SYT1: variants seen among roughly 807,000 people sequenced by gnomAD.
SYT1 encodes the protein synaptotagmin 1.
Under a neutral mutation model 44.8 loss-of-function variants are expected in SYT1, and 8 were observed. The observed-to-expected ratio is 0.18, with a 90% confidence interval of 0.10 to 0.32. The LOEUF (loss-of-function observed/expected upper bound fraction) is 0.32, where lower values mean the gene tolerates loss of function less well. Among genes scored for constraint, SYT1 ranks in the 10% least tolerant of loss-of-function variants. The pLI is 1.00. For synonymous variants in SYT1, 154 were observed against 188.8 expected, an observed-to-expected ratio of 0.82 and a Z score of 1.51; for missense variants, 286 against 509.3, an observed-to-expected ratio of 0.56 and a Z score of 4.22.
intron 1 of SYT1, among the ~76,000 whole-genome samples, chr12:78,867,877 TATTA>T (rs1339658402): frequency 1.3e-5 from 2 of 151,962 alleles, no homozygotes; most frequent in African/African-American, 4.8e-5. Context: ...TATATGCTTG[TATTA>T]ATTATATGCA....
chr12:79,359,241 T>G (rs1883228822), intron 9 of SYT1, among the ~76,000 whole-genome samples: 1 of 152,018 alleles, frequency 6.6e-6, no homozygotes, highest in Non-Finnish European at 1.5e-5. Flanking sequence ...ACCCATATGG[T>G]AAAGGGCTGA....
chr12:79,199,950 T>C (rs988729669), intron 3 of SYT1, among the ~76,000 whole-genome samples: 7 of 152,130 alleles, frequency 4.6e-5, no homozygotes, highest in African/African-American at 1.7e-4. Context: ...AATATAATGG[T>C]GAGGAACTTT....
At chr12:79,281,869 A>T (rs1271198326) in intron 4 of SYT1, among the ~76,000 whole-genome samples, 2 of 152,142 alleles carry the variant, frequency 1.3e-5, no homozygotes, top group Non-Finnish European at 2.9e-5. Flanking sequence ...CCCATTCTGG[A>T]GGTCAGAAAT....
rs1021754400 is a variant in SYT1 at position 78,867,763 on chromosome 12, T to C, written c.-217+2654T>C. On this transcript the variant is annotated intron_variant, in intron 1 of 10. Transcript: ENST00000261205. ...GGAGAATATTAGTTATTTCATCTGG[T>C]CAAATTATCAGATAGTTCTAATCAA... 1.9e-3 allele frequency among the ~76,000 whole-genome samples: 292 copies of C among 152,104 alleles called. 13 individuals are homozygous for C. The highest frequency in any genetic ancestry group is 0.019 in the Admixed American group (289 of 15,276).
intron 3 of SYT1, among the ~76,000 whole-genome samples, chr12:79,119,466 T>C (rs942070709): frequency 6.6e-6 from 1 of 151,334 alleles, no homozygotes; most frequent in African/African-American, 2.4e-5. Context: ...TTACATATTT[T>C]CTCACATAAG....
At chr12:78,889,601 A>G (rs971225053) in intron 1 of SYT1, among the ~76,000 whole-genome samples, 25 of 151,554 alleles carry the variant, frequency 1.6e-4, no homozygotes, top group African/African-American at 6.0e-4. Context: ...AAAGCCTTGG[A>G]ATTAGTATTG....
At position 79,317,900 on chromosome 12, in the gene SYT1, A is replaced by G. The variant is rs572002758; in HGVS notation, c.810+18349A>G. Among the ~76,000 whole-genome samples, 10 of 152,280 alleles carry G rather than the reference A, an allele frequency of 6.6e-5. No homozygotes were observed. In the East Asian group the frequency reaches 1.7e-3, roughly 27 times the overall value. The stretch of plus-strand genomic sequence containing the variant: ...CCGTATTAGTCACATAGATCATGAT[A>G]AATGATCAAGTTTGTAGACATTTTG... On this transcript the variant is annotated intron_variant, in intron 8 of 10. Transcript: ENST00000261205.
intron 4 of SYT1, among the ~76,000 whole-genome samples, chr12:79,279,818 G>A (rs925591258): frequency 1.1e-4 from 16 of 152,058 alleles, no homozygotes; most frequent in South Asian, 2.1e-4. Context: ...ATCAAGGTAC[G>A]TAAATCAGTA....
chr12:79,340,686 G>A (rs906478980), intron 8 of SYT1, among the ~76,000 whole-genome samples: 2 of 152,038 alleles, frequency 1.3e-5, no homozygotes, highest in Admixed American at 1.3e-4. Context: ...TTGCCCTCTG[G>A]CCAACTACAA....
intron 3 of SYT1, among the ~76,000 whole-genome samples, chr12:79,076,710 G>A (rs747722259): frequency 1.5e-4 from 23 of 152,146 alleles, no homozygotes; most frequent in Non-Finnish European, 2.4e-4. Context: ...GGAGGCCGAG[G>A]CAGGCAGGGA....
chr12:79,413,383 A>G (rs958573853), intron 9 of SYT1, among the ~76,000 whole-genome samples: 9 of 152,222 alleles, frequency 5.9e-5, no homozygotes, highest in African/African-American at 2.2e-4. Context: ...CAAGTAGTCA[A>G]TAAACCACAA....
intron 1 of SYT1, among the ~76,000 whole-genome samples, chr12:78,973,933 AAAAAAATATATATATATATATATATATAT>A (rs1316852096): frequency 3.5e-5 from 1 of 28,710 alleles, no homozygotes; most frequent in Non-Finnish European, 5.8e-5. Context: ...AAAAAAAAAA[AAAAAAATATATATATATATATATATATAT>A]ATATATATAT....
chr12:78,938,294 A>G (rs1252916683), intron 1 of SYT1, among the ~76,000 whole-genome samples: 1 of 152,166 alleles, frequency 6.6e-6, no homozygotes, highest in African/African-American at 2.4e-5. Context: ...AGTCCAGATC[A>G]TGCCAGTATT....
chr12:79,115,020 C>A (rs756426496), intron 3 of SYT1, among the ~76,000 whole-genome samples: 2 of 152,154 alleles, frequency 1.3e-5, no homozygotes, highest in Non-Finnish European at 1.5e-5. Context: ...CCTGACCAGA[C>A]CTCTCCCACT....
chr12:79,199,270 CCT>C (rs1215691319), intron 3 of SYT1, among the ~76,000 whole-genome samples: 1 of 152,110 alleles, frequency 6.6e-6, no homozygotes, highest in Non-Finnish European at 1.5e-5. Flanking sequence ...AGAGACTTTT[CCT>C]CTCTCTAACA....
intron 4 of SYT1, among the ~76,000 whole-genome samples, chr12:79,249,456 G>A (rs1309073228): frequency 6.6e-6 from 1 of 152,126 alleles, no homozygotes; most frequent in African/African-American, 2.4e-5. Context: ...TGTGAGTGGT[G>A]AGAAATCACA....
intron 2 of SYT1, chr12:79,046,445 T>C (rs1056846580): frequency 2.6e-5 from 4 of 152,266 alleles, no homozygotes; most frequent in East Asian, 1.9e-4. Flanking sequence ...AGAACTTATA[T>C]AAAAAGGTAC....
intron 3 of SYT1, among the ~76,000 whole-genome samples, chr12:79,157,035 G>A (rs939011161): frequency 6.6e-6 from 1 of 152,058 alleles, no homozygotes; most frequent in Admixed American, 6.6e-5. Flanking sequence ...AGGGAAAGGC[G>A]GTGTCAGGGT....
intron 10 of SYT1, among the ~76,000 whole-genome samples, chr12:79,447,207 G>C (rs1870785625): frequency 6.6e-6 from 1 of 151,152 alleles, no homozygotes; most frequent in Non-Finnish European, 1.5e-5. Context: ...GAGTCACTTT[G>C]TTCTTTTTTT....
Sources: gnomAD v4.1 joint callset for allele counts (sites outside exome capture counted in the v4.1 genomes callset) on GRCh38, gnomAD v4.1.1 for gene constraint, MANE v1.5 for transcripts, NCBI Gene and HGNC (gene_info 2026-07-23, HGNC 2026-07-21) for gene names.